MACROD2: variants seen among roughly 807,000 people sequenced by gnomAD.
MACROD2 encodes mono-ADP ribosylhydrolase 2.
In MACROD2, 36 loss-of-function variants were observed where a neutral mutation model predicts 70.4. The ratio of observed to expected loss-of-function variants is 0.51; its 90% confidence interval spans 0.39 to 0.68. The LOEUF (loss-of-function observed/expected upper bound fraction) is 0.68, where lower values mean the gene tolerates loss of function less well. Ranked by LOEUF, MACROD2 falls within the 30% of genes least tolerant of loss-of-function variation. The pLI is 0.00. For synonymous variants in MACROD2, 172 were observed against 178.8 expected (o/e 0.96, Z 0.30); for missense variants, 496 against 538.4 (o/e 0.92, Z 0.78).
At chr20:14,402,527 C>G (rs746993334) in intron 3 of MACROD2, among the ~76,000 whole-genome samples, 2 of 151,560 alleles carry the variant, frequency 1.3e-5, no homozygotes, top group Non-Finnish European at 3.0e-5. Flanking sequence ...ATGTCTGTGT[C>G]TGTGTGTGTG....
In MACROD2 at chr20:15,302,500, A is replaced by G. The variant is rs541940894; in HGVS notation, c.540+72439A>G. ...AGTTCATTGTGGAACTCCTTCCAAAAGAGTTGGTGTAGAACTCACTCATTC... is the reference window on the plus strand; with the variant it reads ...AGTTCATTGTGGAACTCCTTCCAAAGGAGTTGGTGTAGAACTCACTCATTC... On this transcript the variant is annotated intron_variant, in intron 6 of 17. Transcript: ENST00000684519. Among the ~76,000 whole-genome samples, 7 of 152,334 alleles carry G rather than the reference A, an allele frequency of 4.6e-5. 1 individual carries two copies. Among genetic ancestry groups the G allele is most frequent in the Admixed American group, 4.6e-4 (7 of 15,296 alleles).
chr20:15,119,304 T>G (rs1438485656), intron 5 of MACROD2, among the ~76,000 whole-genome samples: 2 of 152,188 alleles, frequency 1.3e-5, no homozygotes, highest in Non-Finnish European at 2.9e-5. Flanking sequence ...TTTGTCAGCT[T>G]CTTCTGCTTT....
intron 6 of MACROD2, among the ~76,000 whole-genome samples, chr20:15,335,907 C>T (rs2146198992): frequency 6.6e-6 from 1 of 151,686 alleles, no homozygotes; most frequent in Admixed American, 6.6e-5. Context: ...TCTTCATGCC[C>T]AAGGGGTCTA....
chr20:14,791,552 TC>T (rs2072451346), intron 5 of MACROD2, among the ~76,000 whole-genome samples: 1 of 152,084 alleles, frequency 6.6e-6, no homozygotes, highest in African/African-American at 2.4e-5. Flanking sequence ...CTAATTTTCT[TC>T]ATGTGGAACA....
At chr20:15,437,259 T>C (rs185979712) in intron 7 of MACROD2, among the ~76,000 whole-genome samples, 1 of 152,312 alleles carries the variant, frequency 6.6e-6, no homozygotes, top group East Asian at 1.9e-4. Flanking sequence ...GTTTGAGAAA[T>C]TTCTTGGTAC....
intron 8 of MACROD2, among the ~76,000 whole-genome samples, chr20:15,530,846 G>A (rs1407953986): frequency 6.6e-6 from 1 of 151,988 alleles, no homozygotes; most frequent in African/African-American, 2.4e-5. Flanking sequence ...AGATTAGCAA[G>A]GTTGGCTATC....
chr20:15,810,402 A>G (rs1459817180), intron 8 of MACROD2, among the ~76,000 whole-genome samples: 1 of 151,596 alleles, frequency 6.6e-6, no homozygotes, highest in African/African-American at 2.4e-5. Flanking sequence ...GCTGGGTCAA[A>G]TGGTATTTCT....
rs1464263726 is a variant in MACROD2 at position 15,631,013 on chromosome 20, GA to G, written c.645+131168del. On this transcript the variant is annotated intron_variant, in intron 8 of 17. Coordinates refer to ENST00000684519, the MANE Select transcript of MACROD2 (RefSeq NM_001351661.2). ...TATGATTGCAAATTCCACATAAAGGGAATATTTATAGGAAGGTCTGCCTTTC... is the reference window on the plus strand; with the variant it reads ...TATGATTGCAAATTCCACATAAAGGGATATTTATAGGAAGGTCTGCCTTTC... 2.6e-5 allele frequency among the ~76,000 whole-genome samples: 4 copies of G among 152,130 alleles called. 1 individual carries two copies. The highest frequency in any genetic ancestry group is 9.7e-5 in the African/African-American group (4 of 41,418).
intron 5 of MACROD2, among the ~76,000 whole-genome samples, chr20:14,687,161 C>T (rs1408596890): frequency 6.6e-6 from 1 of 152,206 alleles, no homozygotes; most frequent in Non-Finnish European, 1.5e-5. Flanking sequence ...AGATTATTGA[C>T]TGTTTTCAGA....
intron 5 of MACROD2, among the ~76,000 whole-genome samples, chr20:14,966,705 T>TG (rs530648010): frequency 6.6e-6 from 1 of 152,216 alleles, no homozygotes; most frequent in African/African-American, 2.4e-5. Context: ...TCATACTATA[T>TG]GTTCTCTTTT....
intron 4 of MACROD2, among the ~76,000 whole-genome samples, chr20:14,553,259 A>G (rs1978784525): frequency 6.6e-6 from 1 of 151,958 alleles, no homozygotes; most frequent in African/African-American, 2.4e-5. Flanking sequence ...GACCAGGGTC[A>G]TCAATATCAC....
intron 7 of MACROD2, among the ~76,000 whole-genome samples, chr20:15,482,466 A>T (rs1398841518): frequency 6.6e-6 from 1 of 152,006 alleles, no homozygotes; most frequent in Non-Finnish European, 1.5e-5. Flanking sequence ...AGAAACAGAA[A>T]CTCTCCTTCA....
intron 2 of MACROD2, among the ~76,000 whole-genome samples, chr20:14,047,939 A>G (rs967848050): frequency 4.6e-5 from 7 of 152,194 alleles, no homozygotes; most frequent in African/African-American, 1.2e-4. Context: ...TCAAGTATCA[A>G]AAGAAAATGA....
intron 10 of MACROD2, among the ~76,000 whole-genome samples, chr20:15,918,562 A>G (rs968074130): frequency 3.3e-5 from 5 of 152,188 alleles, no homozygotes; most frequent in Non-Finnish European, 5.9e-5. Context: ...ACACTTCTAG[A>G]AGCAAAAATC....
intron 3 of MACROD2, among the ~76,000 whole-genome samples, chr20:14,304,772 GT>G (rs11475241): frequency 0.99 from 141,724 of 143,752 alleles, 69,857 homozygotes; most frequent in Middle Eastern, 1. Flanking sequence ...TCTTTTTTAT[GT>G]TTTTTTTTTT....
chr20:14,607,792 G>A (rs146103993), intron 4 of MACROD2, among the ~76,000 whole-genome samples: 2,236 of 152,134 alleles, frequency 0.015, 58 homozygotes, highest in African/African-American at 0.051. Context: ...CCATGCCATC[G>A]TTTTGTCTCT....
chr20:15,196,620 C>G (rs1311069998), intron 5 of MACROD2, among the ~76,000 whole-genome samples: 1 of 152,178 alleles, frequency 6.6e-6, no homozygotes, highest in African/African-American at 2.4e-5. Context: ...CAGTAGTAAG[C>G]CAAGCCAAAC....
intron 2 of MACROD2, among the ~76,000 whole-genome samples, chr20:14,063,869 G>T (rs562608485): frequency 6.6e-6 from 1 of 152,136 alleles, no homozygotes; most frequent in South Asian, 2.1e-4. Flanking sequence ...CTGAAACTAA[G>T]TTGTGTACCA....
intron 5 of MACROD2, among the ~76,000 whole-genome samples, chr20:14,793,099 A>C (rs1277784506): frequency 6.6e-6 from 1 of 152,098 alleles, no homozygotes; most frequent in African/African-American, 2.4e-5. Context: ...AGGGCACTGG[A>C]GTACTAAAGA....
Sources: gnomAD v4.1 joint callset for allele counts (sites outside exome capture counted in the v4.1 genomes callset) on GRCh38, gnomAD v4.1.1 for gene constraint, MANE v1.5 for transcripts, NCBI Gene and HGNC (gene_info 2026-07-23, HGNC 2026-07-21) for gene names.